Variants in SEPTIN4 observed in about 807,000 individuals in gnomAD.
SEPTIN4 encodes septin-4.
Under a neutral mutation model 107.1 loss-of-function variants are expected in SEPTIN4, and 52 were observed. That is an observed-to-expected ratio of 0.49 (90% CI 0.39 to 0.61). The LOEUF is 0.61. Ranked by LOEUF, SEPTIN4 falls within the 20% of genes least tolerant of loss-of-function variation. The pLI, the probability that SEPTIN4 is intolerant of heterozygous loss-of-function variation, is 0.00. For missense variants in SEPTIN4, 1,048 were observed against 1,243.5 expected (o/e 0.84, Z 2.36); for synonymous variants, 417 against 467.0 (o/e 0.89, Z 1.38).
At chr17:58,528,180 C>A in intron 3 of SEPTIN4, 1 of 222,756 alleles carries the variant, frequency 4.5e-6, no homozygotes, top group Non-Finnish European at 7.5e-6. Flanking sequence ...CTGTGGAGTC[C>A]CAGCTAGAGT....
intron 3 of SEPTIN4, among the ~76,000 whole-genome samples, chr17:58,532,823 A>T (rs1306676467): frequency 6.6e-6 from 1 of 152,152 alleles, no homozygotes; most frequent in Non-Finnish European, 1.5e-5. Flanking sequence ...GATGCCCCAG[A>T]AGCTTTAGAG....
chr17:58,524,348 T>A (rs1436870422), intron 7 of SEPTIN4, among the ~76,000 whole-genome samples: 1 of 152,168 alleles, frequency 6.6e-6, no homozygotes, highest in African/African-American at 2.4e-5. Flanking sequence ...TGCCTGGAGT[T>A]TAAACAAAGT....
intron 3 of SEPTIN4, chr17:58,530,385 G>C (rs758378): frequency 0.78 from 119,105 of 152,262 alleles, 46,753 homozygotes; most frequent in East Asian, 1. Context: ...CCCTGGCATA[G>C]CTGGGTTGGG....
At chr17:58,533,950 C>T (rs2043622157) in intron 3 of SEPTIN4, among the ~76,000 whole-genome samples, 1 of 152,142 alleles carries the variant, frequency 6.6e-6, no homozygotes, top group Non-Finnish European at 1.5e-5. Context: ...TTATAACATG[C>T]CCCTCCCCGT....
Position 58,520,454 on chromosome 17 carries a change from A to G in SEPTIN4, c.2963T>C (p.Ile988Thr). Reference sequence around the variant, plus strand: ...ATAGTTCTCCTTCATCTGTTTTTGTATTTTGTGTAGCATCTCCTGCATCCG... The same window carrying G: ...ATAGTTCTCCTTCATCTGTTTTTGTGTTTTGTGTAGCATCTCCTGCATCCG... The part of the protein sequence containing the change: ...LRRMQEMLHK[I>T]QKQMKENY Residue 988 changes from isoleucine to threonine, a missense_variant, in exon 14 of 14, where the codon ATA becomes ACA. Physicochemically the swap from Ile to Thr is moderately conservative, Grantham distance 89 (BLOSUM62 -1). This residue lies in a region of SEPTIN4 where 261 missense variants were observed against 371.7 expected (regional missense o/e 0.70). Coordinates refer to ENST00000672673, the MANE Select transcript of SEPTIN4 (RefSeq NM_001368771.2). 6.2e-7 allele frequency: 1 copy of G among 1,613,464 alleles called. No individual in the cohort carries two copies. The highest frequency in any genetic ancestry group is 1.3e-5 in the African/African-American group (1 of 75,038).
At chr17:58,539,081 G>C (rs780928128) in intron 3 of SEPTIN4, 3 of 1,426,918 alleles carry the variant, frequency 2.1e-6, no homozygotes, top group African/African-American at 1.4e-5. Flanking sequence ...ATGCATTAGA[G>C]AGCACCTGGC....
At chr17:58,523,327 G>A (rs1388268459) in intron 7 of SEPTIN4, among the ~76,000 whole-genome samples, 2 of 149,178 alleles carry the variant, frequency 1.3e-5, no homozygotes, top group African/African-American at 5.0e-5. Context: ...GGTTGATCAG[G>A]CCACTGCACT....
intron 1 of SEPTIN4, 25 bp from the exon 2 acceptor site, chr17:58,541,991 C>T: frequency 6.2e-7 from 1 of 1,610,870 alleles, no homozygotes; most frequent in Non-Finnish European, 8.5e-7. Flanking sequence ...GAGATGGTTG[C>T]TTTTCTTCTC....
intron 3 of SEPTIN4, 125 bp from the exon 4 acceptor site, chr17:58,527,103 A>C: frequency 6.6e-7 from 1 of 1,513,424 alleles, no homozygotes; most frequent in Non-Finnish European, 9.1e-7. Context: ...TGTGGTTAGA[A>C]GAAAAAGAAA....
intron 2 of SEPTIN4, 78 bp from the exon 3 acceptor site, chr17:58,540,751 AAG>A: frequency 4.7e-6 from 6 of 1,285,604 alleles, no homozygotes; most frequent in Non-Finnish European, 5.9e-6. Context: ...GGAGGAGAAA[AAG>A]AGAAATTTAC....
In SEPTIN4 at chr17:58,521,877, A is replaced by G; in HGVS notation, c.2352-24T>C. On this transcript the variant is annotated intron_variant, in intron 8 of 13. Transcript: ENST00000672673. The surrounding 1 kb of genome is among the most constrained non-coding windows in gnomAD (Gnocchi z 6.4). ...GCCTGGGGAACAGGAACCTGTGACC[A>G]CCTGCTAGTGGCAGCCCTGCCCCTG... 2 of 1,614,228 alleles carry G rather than the reference A, an allele frequency of 1.2e-6. No individual in the cohort carries two copies. The highest frequency in any genetic ancestry group is 2.2e-5 in the East Asian group (1 of 44,884).
intron 3 of SEPTIN4, chr17:58,539,190 G>A: frequency 2.0e-6 from 3 of 1,533,834 alleles, no homozygotes; most frequent in Non-Finnish European, 2.6e-6. Flanking sequence ...CAGCTCTGCT[G>A]CTGAACAGGG....
chr17:58,534,082 T>G (rs973339313), intron 3 of SEPTIN4, among the ~76,000 whole-genome samples: 4 of 152,204 alleles, frequency 2.6e-5, no homozygotes, highest in Non-Finnish European at 4.4e-5. Flanking sequence ...GGCAGCAGGT[T>G]GGTACCAGCT....
At chr17:58,528,246 A>C (rs1457039550) in intron 3 of SEPTIN4, 1 of 154,640 alleles carries the variant, frequency 6.5e-6, no homozygotes, top group Non-Finnish European at 1.4e-5. Flanking sequence ...AGGGAGGCAG[A>C]TATGCATACT....
At chr17:58,520,958 G>T in intron 12 of SEPTIN4, 40 bp downstream of exon 12, 1 of 1,612,718 alleles carries the variant, frequency 6.2e-7, no homozygotes, top group South Asian at 1.1e-5. Flanking sequence ...CTAGGCTTGG[G>T]ATCTCCCCCT....
chr17:58,544,234 C>A lies in SEPTIN4; in HGVS notation c.-48G>T. On this transcript the variant is annotated 5_prime_UTR_variant, in exon 1 of 14. Coordinates refer to ENST00000672673, the MANE Select transcript of SEPTIN4 (RefSeq NM_001368771.2). ...GTAGATCCCGTATTTTACTGGCTGG[C>A]TTGTATTCAGGATCCTAATGATGCC... is the stretch of plus-strand genomic sequence containing the variant. 6.5e-7 allele frequency: 1 copy of A among 1,548,494 alleles called. No individual in the cohort carries two copies. The highest frequency in any genetic ancestry group is 8.7e-7 in the Non-Finnish European group (1 of 1,149,490).
rs1200297972 is a variant in SEPTIN4 at position 58,521,291 on chromosome 17, T to C, written c.2631A>G (p.Arg877=). ...CCCAGGGGTAGAGTCGACCCCGAAC[T>C]CGCCGCCCTCTGGCCTCTACTACAG... ...SNTVVEARGR[R]VRGRLYPWGI... is the part of the protein sequence containing the mutation. Residue 877 remains arginine, a synonymous_variant, in exon 11 of 14, where the codon CGA becomes CGG. Coordinates refer to ENST00000672673, the MANE Select transcript of SEPTIN4 (RefSeq NM_001368771.2). The surrounding 1 kb of genome is among the most constrained non-coding windows in gnomAD (Gnocchi z 6.4). The C allele has an allele frequency of 6.2e-7, 1 of 1,614,194 alleles. No homozygotes were observed. Among genetic ancestry groups the C allele is most frequent in the Non-Finnish European group, 8.5e-7 (1 of 1,180,028 alleles).
Position 58,526,665 on chromosome 17 carries a change from A to C in SEPTIN4, c.1911+17T>G, listed in dbSNP as rs1168632724. On this transcript the variant is annotated intron_variant, in intron 4 of 13. Transcript: ENST00000672673. ...CAGCAGCCCACTGAAAGGCAAAGGCAGGGCTGGAGGCTCTACCTCAGAGGA... is the reference window on the plus strand; with the variant it reads ...CAGCAGCCCACTGAAAGGCAAAGGCCGGGCTGGAGGCTCTACCTCAGAGGA... 2 of 1,544,672 alleles carry C rather than the reference A, an allele frequency of 1.3e-6. No homozygotes were observed. Among genetic ancestry groups the C allele is most frequent in the Non-Finnish European group, 8.7e-7 (1 of 1,151,620 alleles).
chr17:58,527,313 TG>T lies in SEPTIN4; in HGVS notation c.1615-336del, dbSNP rs1227489403. ...GCATGTTTTTTGAGGCTGCCTTTCC[TG>T]GGGTTCTGGCCTAGCCAGGGACTGT... is the stretch of plus-strand genomic sequence containing the variant. On this transcript the variant is annotated intron_variant, in intron 3 of 13. Transcript: ENST00000672673. 2.1e-5 allele frequency: 10 copies of T among 471,064 alleles called. No individual in the cohort carries two copies. The Admixed American group carries it at 3.1e-4, about 14-fold the overall frequency. 29.2% of individuals were successfully genotyped at this position (471,064 alleles called of 1,614,324 possible).
Sources: allele counts gnomAD v4.1 joint callset (sites outside exome capture counted in the v4.1 genomes callset), GRCh38; gene constraint gnomAD v4.1.1; regional missense constraint gnomAD v4.1.1; non-coding constraint Gnocchi (gnomAD v3.1); transcripts MANE v1.5; gene names NCBI Gene and HGNC (gene_info 2026-07-23, HGNC 2026-07-21).